TMEM272: variants seen among roughly 807,000 people sequenced by gnomAD.
TMEM272 encodes the protein transmembrane protein 272, also known as long intergenic non-protein coding RNA 282.
A neutral mutation model predicts 3.7 loss-of-function variants in TMEM272; 8 were observed. The observed-to-expected ratio is 2.17, with a 90% CI of 1.27 to 3.91. TMEM272 has a LOEUF of 3.91. Ranked by LOEUF, TMEM272 falls within the 30% of genes most tolerant of loss-of-function variation. TMEM272 has a pLI of 0.00. For missense variants in TMEM272, 166 were observed against 91.5 expected, an observed-to-expected ratio of 1.81 and a Z score of -3.32; for synonymous variants, 63 against 39.8, an observed-to-expected ratio of 1.58 and a Z score of -2.20.
At chr13:51,866,025 C>A in the TMEM272 span, 1 of 1,608,716 alleles carries the variant, frequency 6.2e-7, no homozygotes, top group South Asian at 1.1e-5. Flanking sequence ...GAAGATGGGC[C>A]CCACAACGCC....
chr13:51,906,092 CT>C, the TMEM272 span, among the ~76,000 whole-genome samples: 1 of 152,192 alleles, frequency 6.6e-6, no homozygotes, highest in Non-Finnish European at 1.5e-5. Flanking sequence ...AAATCTTCTC[CT>C]AGCAAATGGT....
the TMEM272 span, among the ~76,000 whole-genome samples, chr13:51,919,008 G>A: frequency 6.6e-6 from 1 of 151,802 alleles, no homozygotes; most frequent in African/African-American, 2.4e-5. Context: ...TCCTGGCTCT[G>A]CTCCTTTCTG....
At chr13:51,870,975 C>T in the TMEM272 span, among the ~76,000 whole-genome samples, 1 of 152,108 alleles carries the variant, frequency 6.6e-6, no homozygotes, top group Non-Finnish European at 1.5e-5. Context: ...TGGTATCTCA[C>T]AAAAAACTGG....
the TMEM272 span, among the ~76,000 whole-genome samples, chr13:51,923,974 G>A: frequency 6.6e-6 from 1 of 152,310 alleles, no homozygotes. Flanking sequence ...CCCTTTGGGG[G>A]CTCTATGAAT....
the TMEM272 span, chr13:51,932,834 G>C: frequency 6.6e-6 from 1 of 152,020 alleles, no homozygotes; most frequent in East Asian, 1.9e-4. Flanking sequence ...CAACGTTTAT[G>C]GTCCTAAAAG....
upstream of TMEM272, among the ~76,000 whole-genome samples, chr13:51,847,299 T>C (rs1399072537): frequency 1.3e-5 from 2 of 152,206 alleles, no homozygotes; most frequent in African/African-American, 4.8e-5. Context: ...CTCCACTTCC[T>C]GTCAGATCAG....
intron 4 of TMEM272, among the ~76,000 whole-genome samples, chr13:51,820,795 T>C (rs1426803366): frequency 2.6e-5 from 4 of 152,114 alleles, no homozygotes; most frequent in Non-Finnish European, 4.4e-5. Flanking sequence ...CCAAGAGCCT[T>C]TGGGTTTTCT....
At chr13:51,888,570 A>G in the TMEM272 span, among the ~76,000 whole-genome samples, 1 of 151,866 alleles carries the variant, frequency 6.6e-6, no homozygotes, top group Non-Finnish European at 1.5e-5. Flanking sequence ...CTCACATGAC[A>G]GCATTTTATA....
chr13:51,911,977 CCTTA>C, the TMEM272 span, among the ~76,000 whole-genome samples: 2 of 152,092 alleles, frequency 1.3e-5, no homozygotes, highest in African/African-American at 2.4e-5. Context: ...CCTGGACCAC[CCTTA>C]CTTCGGGCAC....
intron 3 of TMEM272, among the ~76,000 whole-genome samples, chr13:51,824,951 T>C (rs1310532362): frequency 6.6e-6 from 1 of 152,132 alleles, no homozygotes; most frequent in East Asian, 1.9e-4. Flanking sequence ...AGACCCTGTC[T>C]CAAAAGAAAG....
At chr13:51,928,029 G>A in the TMEM272 span, among the ~76,000 whole-genome samples, 87 of 152,048 alleles carry the variant, frequency 5.7e-4, no homozygotes, top group African/African-American at 1.8e-3. Context: ...CCTACATTCC[G>A]TGGTCTTCCA....
chr13:51,829,892 C>T (rs2139568075), intron 2 of TMEM272, among the ~76,000 whole-genome samples: 1 of 152,290 alleles, frequency 6.6e-6, no homozygotes, highest in South Asian at 2.1e-4. Flanking sequence ...CTGACCCTCC[C>T]CTTTTCCTTC....
the TMEM272 span, among the ~76,000 whole-genome samples, chr13:51,894,080 C>T: frequency 6.6e-6 from 1 of 152,218 alleles, no homozygotes; most frequent in Admixed American, 6.5e-5. Flanking sequence ...ACCACACCCC[C>T]TGCATTGAAG....
At chr13:51,831,338 C>A (rs913776220) in intron 2 of TMEM272, among the ~76,000 whole-genome samples, 1 of 152,150 alleles carries the variant, frequency 6.6e-6, no homozygotes, top group Non-Finnish European at 1.5e-5. Context: ...ATGGAAGGAT[C>A]GCTTGAACCC....
At chr13:51,912,209 T>A in the TMEM272 span, among the ~76,000 whole-genome samples, 1 of 152,204 alleles carries the variant, frequency 6.6e-6, no homozygotes, top group South Asian at 2.1e-4. Context: ...TTTCCCTGTT[T>A]TTCCAGTCCC....
chr13:51,866,026 C>T, the TMEM272 span: 12 of 1,608,658 alleles, frequency 7.5e-6, no homozygotes, highest in South Asian at 1.3e-4. Context: ...AAGATGGGCC[C>T]CACAACGCCA....
chr13:51,934,334 C>T, the TMEM272 span: 24 of 299,200 alleles, frequency 8.0e-5, no homozygotes, highest in Admixed American at 5.9e-4. Flanking sequence ...CACAGACAGG[C>T]GTCATCAGAA....
intron 2 of TMEM272, among the ~76,000 whole-genome samples, chr13:51,827,643 G>T (rs1290143141): frequency 6.6e-6 from 1 of 152,100 alleles, no homozygotes; most frequent in East Asian, 1.9e-4. Flanking sequence ...TGAGAGCAGA[G>T]GATCTCTGAG....
intron 1 of TMEM272, among the ~76,000 whole-genome samples, chr13:51,842,337 T>C (rs1253082706): frequency 6.6e-6 from 1 of 152,226 alleles, no homozygotes; most frequent in Admixed American, 6.5e-5. Context: ...CCTCTTAAAA[T>C]TCAAGAAGTA....
Sources: gnomAD v4.1 joint callset for allele counts (sites outside exome capture counted in the v4.1 genomes callset) on GRCh38, gnomAD v4.1.1 for gene constraint, MANE v1.5 for transcripts, NCBI Gene and HGNC (gene_info 2026-07-23, HGNC 2026-07-21) for gene names.